KIAA1671: variants seen among roughly 807,000 people sequenced by gnomAD.
The protein encoded by KIAA1671 is uncharacterized protein KIAA1671.
Under a neutral mutation model 131.2 loss-of-function variants are expected in KIAA1671, and 52 were observed. The observed-to-expected ratio is 0.40, with a 90% CI of 0.32 to 0.50. KIAA1671 has a LOEUF of 0.50. Among genes scored for constraint, KIAA1671 ranks in the 20% least tolerant of loss-of-function variants. The pLI, the probability that KIAA1671 is intolerant of heterozygous loss-of-function variation, is 0.73. For synonymous variants in KIAA1671, 1,003 were observed against 961.6 expected (o/e 1.04, Z -0.80); for missense variants, 2,360 against 2,364.2 (o/e 1.00, Z 0.04).
At chr22:25,093,718 CA>C (rs1930142576) in intron 6 of KIAA1671, among the ~76,000 whole-genome samples, 5 of 124,718 alleles carry the variant, frequency 4.0e-5, no homozygotes, top group African/African-American at 9.1e-5. Flanking sequence ...CACACACACA[CA>C]CACACACACA....
chr22:24,965,510 G>A (rs1225391528), intron 1 of KIAA1671, among the ~76,000 whole-genome samples: 45 of 147,898 alleles, frequency 3.0e-4, no homozygotes, highest in Non-Finnish European at 1.8e-4. Flanking sequence ...GGAGGCCAAG[G>A]CAGACAGATC....
intron 8 of KIAA1671, chr22:25,175,119 C>T (rs967599681): frequency 7.2e-5 from 11 of 152,394 alleles, no homozygotes; most frequent in African/African-American, 2.4e-4. Flanking sequence ...GTCTCCTGCT[C>T]TAGCATCTTC....
At chr22:25,027,475 G>C (rs1265884331) in intron 2 of KIAA1671, among the ~76,000 whole-genome samples, 3 of 152,218 alleles carry the variant, frequency 2.0e-5, no homozygotes, top group African/African-American at 7.2e-5. Context: ...AGGAGTGAGG[G>C]AATGTGAGGA....
Position 25,088,250 on chromosome 22 carries a change from G to A in KIAA1671, c.4530+38886G>A, listed in dbSNP as rs1343988536. Among the ~76,000 whole-genome samples, 8 of 152,190 alleles carry A rather than the reference G, an allele frequency of 5.3e-5. No individual in the cohort carries two copies. The South Asian group carries it at 1.7e-3, about 32-fold the overall frequency. ...AGCCTCCTGAGTAACTGGGATTACA[G>A]GCGTGCACCACCACACCCAGCTAAT... On this transcript the variant is annotated intron_variant, in intron 6 of 12. Transcript: ENST00000358431.
intron 11 of KIAA1671, among the ~76,000 whole-genome samples, chr22:25,187,488 GA>G (rs1934518410): frequency 6.6e-6 from 1 of 151,030 alleles, no homozygotes; most frequent in Admixed American, 6.6e-5. Flanking sequence ...TTTTTTTCTT[GA>G]ATAAAGTTTT....
chr22:24,964,320 C>T (rs1439290797), intron 1 of KIAA1671, among the ~76,000 whole-genome samples: 1 of 151,966 alleles, frequency 6.6e-6, no homozygotes, highest in East Asian at 1.9e-4. Context: ...CAGAGGGAGA[C>T]TCTGTCTCAA....
intron 6 of KIAA1671, among the ~76,000 whole-genome samples, chr22:25,105,131 C>T (rs1930929194): frequency 1.3e-5 from 2 of 152,166 alleles, no homozygotes; most frequent in Middle Eastern, 3.4e-3. Flanking sequence ...AAGCAATTCT[C>T]CTGCCTCAGC....
At position 25,105,827 on chromosome 22, in the gene KIAA1671, G is replaced by GC. The variant is rs1262223409; in HGVS notation, c.4530+56463_4530+56464insC. Among the ~76,000 whole-genome samples the GC allele has an allele frequency of 3.9e-5, 6 of 151,960 alleles. No individual in the cohort carries two copies. The South Asian group carries it at 1.3e-3, about 32-fold the overall frequency. On this transcript the variant is annotated intron_variant, in intron 6 of 12. Transcript: ENST00000358431. ...TGTCACAGGTATGAAGTTGGGGGGG[G>GC]GGGGTGCCAAACTCCACCACTTAAT...
At position 25,028,648 on chromosome 22, in the gene KIAA1671, C is replaced by T; in HGVS notation, c.649C>T (p.Pro217Ser). 6.5e-7 allele frequency: 1 copy of T among 1,550,386 alleles called. No homozygotes were observed. Among genetic ancestry groups the T allele is most frequent in the Admixed American group, 2.0e-5 (1 of 50,934 alleles). ...VPQEEAGQDHPPSKASSVEDT... is the reference protein window; with the variant it reads ...VPQEEAGQDHSPSKASSVEDT... ...CCAAGAGGAGGCAGGCCAAGACCAT[C>T]CTCCCTCAAAGGCCAGCAGTGTGGA... Residue 217 changes from proline (P) to serine (S), a missense_variant, in exon 3 of 13, where the codon CCT (proline) becomes TCT (serine). Transcript: ENST00000358431.
chr22:25,188,075 C>T lies in KIAA1671; in HGVS notation c.5343-2627C>T, dbSNP rs190524912. ...CAGCACTTTGGGAGGCTGAGGTGGG[C>T]GGATCACAAGATCAGGAGATCAAGA... On this transcript the variant is annotated intron_variant, in intron 11 of 12. Transcript: ENST00000358431. Among the ~76,000 whole-genome samples the T allele has an allele frequency of 5.6e-3, 848 of 152,168 alleles. 5 individuals are homozygous for T. Among genetic ancestry groups the T allele is most frequent in the Non-Finnish European group, 7.9e-3 (540 of 67,994 alleles).
chr22:25,041,447 G>C lies in KIAA1671; in HGVS notation c.4317G>C (p.Arg1439Ser), dbSNP rs1221980831. The C allele has an allele frequency of 5.8e-6, 9 of 1,551,654 alleles. No individual in the cohort carries two copies. Among genetic ancestry groups the C allele is most frequent in the African/African-American group, 1.4e-5 (1 of 73,072 alleles). Residue 1439 changes from arginine (R) to serine (S), a missense_variant, in exon 5 of 13, where the codon AGG (arginine) becomes AGC (serine). Arg to Ser is a moderately radical substitution (Grantham distance 110, BLOSUM62 -1). Coordinates refer to ENST00000358431, the MANE Select transcript of KIAA1671 (RefSeq NM_001145206.2). ...RERRREQPKG[R>S]PSLTGENLEA... ...GGAGGCGAGAGCAGCCCAAAGGGAG[G>C]CCCAGCCTTACTGGAGAGAATTTGG...
intron 1 of KIAA1671, among the ~76,000 whole-genome samples, chr22:24,958,576 C>T (rs1017122636): frequency 3.3e-5 from 5 of 149,498 alleles, no homozygotes; most frequent in African/African-American, 9.9e-5. Flanking sequence ...CCTTGAACCC[C>T]GGAGGTGGAG....
intron 1 of KIAA1671, among the ~76,000 whole-genome samples, chr22:25,007,104 GCCT>G (rs946066973): frequency 6.6e-6 from 1 of 152,112 alleles, no homozygotes; most frequent in Non-Finnish European, 1.5e-5. Flanking sequence ...ACCAGACCAT[GCCT>G]CAAGGACAAG....
At chr22:25,010,584 AAGTATCAT>A (rs1189111744) in intron 1 of KIAA1671, 1 of 151,818 alleles carries the variant, frequency 6.6e-6, no homozygotes, top group Non-Finnish European at 1.5e-5. Flanking sequence ...GATTTGAAGT[AAGTATCAT>A]TGACCTTACT....
chr22:25,031,536 TAGTC>T (rs1290161942), intron 3 of KIAA1671, among the ~76,000 whole-genome samples: 2 of 151,984 alleles, frequency 1.3e-5, no homozygotes, highest in Non-Finnish European at 2.9e-5. Flanking sequence ...TTCACCATGT[TAGTC>T]AGGCTGTTCT....
Position 25,185,067 on chromosome 22 carries a change from C to T in KIAA1671, c.5290C>T (p.Pro1764Ser), listed in dbSNP as rs1934427065. The T allele has an allele frequency of 6.4e-7, 1 of 1,551,656 alleles. No individual in the cohort carries two copies. The highest frequency in any genetic ancestry group is 1.2e-5 in the South Asian group (1 of 84,054). Reference sequence around the variant, plus strand: ...CAAGAGCCCCAAGTCCCCCTTCCAGCCTGGGGTGCTGGGCAGTCGCGTGCT... The same window carrying T: ...CAAGAGCCCCAAGTCCCCCTTCCAGTCTGGGGTGCTGGGCAGTCGCGTGCT... ...QPKSPKSPFQ[P>S]GVLGSRVLPS... Residue 1764 changes from proline (P) to serine (S), a missense_variant, in exon 11 of 13, where the codon CCT becomes TCT. Coordinates refer to ENST00000358431, the MANE Select transcript of KIAA1671 (RefSeq NM_001145206.2).
chr22:25,130,481 T>A (rs925054387), intron 6 of KIAA1671, among the ~76,000 whole-genome samples: 4 of 152,224 alleles, frequency 2.6e-5, no homozygotes, highest in African/African-American at 9.6e-5. Flanking sequence ...CCCGATTAGC[T>A]GTTATATAAA....
In KIAA1671 at chr22:25,066,386, C is replaced by T. The variant is rs182423652; in HGVS notation, c.4530+17022C>T. Reference sequence around the variant, plus strand: ...CTGGTCTTGAACTTCTCACCTCAAACGATCCTCCCACCTCAGCCTTCCAAA... The same window carrying T: ...CTGGTCTTGAACTTCTCACCTCAAATGATCCTCCCACCTCAGCCTTCCAAA... On this transcript the variant is annotated intron_variant, in intron 6 of 12. Transcript: ENST00000358431. Among the ~76,000 whole-genome samples the T allele has an allele frequency of 1.2e-4, 19 of 152,222 alleles. No homozygotes were observed. In the South Asian group the frequency reaches 1.9e-3, roughly 15 times the overall value.
intron 6 of KIAA1671, among the ~76,000 whole-genome samples, chr22:25,067,030 G>A (rs979953720): frequency 2.0e-5 from 3 of 152,116 alleles, no homozygotes; most frequent in African/African-American, 4.8e-5. Flanking sequence ...CACACTCCCC[G>A]GGCTGCCTCG....
Sources: gnomAD v4.1 joint callset for allele counts (sites outside exome capture counted in the v4.1 genomes callset) on GRCh38, gnomAD v4.1.1 for gene constraint, MANE v1.5 for transcripts, NCBI Gene and HGNC (gene_info 2026-07-23, HGNC 2026-07-21) for gene names.